NRG1: variants seen among roughly 807,000 people sequenced by gnomAD.
The protein encoded by NRG1 is neuregulin 1, also known as pro-neuregulin-1, membrane-bound isoform.
A neutral mutation model predicts 63.8 loss-of-function variants in NRG1; 18 were observed. That is an observed-to-expected ratio of 0.28 (90% CI 0.19 to 0.42). NRG1 has a LOEUF of 0.42. Among genes scored for constraint, NRG1 ranks in the 10% least tolerant of loss-of-function variants. The pLI, the probability that NRG1 is intolerant of heterozygous loss-of-function variation, is 1.00. For synonymous variants in NRG1, 302 were observed against 301.3 expected (o/e 1.00, Z -0.02); for missense variants, 762 against 814.7 (o/e 0.94, Z 0.79).
At chr8:32,322,482 T>C (rs1385236158) in intron 1 of NRG1, among the ~76,000 whole-genome samples, 1 of 152,048 alleles carries the variant, frequency 6.6e-6, no homozygotes, top group Non-Finnish European at 1.5e-5. Flanking sequence ...GAAGGATTTT[T>C]AAACAATTTA....
At chr8:32,585,486 G>A (rs949272613) in intron 1 of NRG1, among the ~76,000 whole-genome samples, 4 of 152,142 alleles carry the variant, frequency 2.6e-5, no homozygotes, top group African/African-American at 9.7e-5. Flanking sequence ...TCATTGTCAC[G>A]GTGTATTGCC....
rs36213547 is a variant in NRG1, at chr8:32,550,375, A to G, written c.100+1549A>G. 6.1e-3 allele frequency among the ~76,000 whole-genome samples: 922 copies of G among 152,256 alleles called. 9 individuals carry two copies. Among genetic ancestry groups the G allele is most frequent in the Admixed American group, 0.016 (240 of 15,298 alleles). On this transcript the variant is annotated intron_variant, in intron 1 of 11. Transcript: ENST00000356819. ...GTCTACTGTCCTTTCTAAGGTCATC[A>G]TAGTACATTACGGAGATTTCAGACC... is the stretch of plus-strand genomic sequence containing the variant.
At chr8:32,179,629 T>C (rs902156279) in intron 1 of NRG1, among the ~76,000 whole-genome samples, 4 of 152,192 alleles carry the variant, frequency 2.6e-5, no homozygotes, top group African/African-American at 9.6e-5. Flanking sequence ...CTTTCAACTA[T>C]ATTAGAACAT....
intron 1 of NRG1, among the ~76,000 whole-genome samples, chr8:31,888,693 G>A (rs978903685): frequency 2.6e-5 from 4 of 151,482 alleles, no homozygotes; most frequent in Non-Finnish European, 4.4e-5. Flanking sequence ...AAAGGAAAAC[G>A]ATCAGCCACA....
chr8:31,640,754 C>T lies in NRG1; in HGVS notation c.37+1323C>T, dbSNP rs1803682172. ...GGTAAGTTCCTCGCCCTTGGGGGCG[C>T]GAACCCGCGGCGAGGAGGGCGCATC... is the stretch of plus-strand genomic sequence containing the variant. On this transcript the variant is annotated intron_variant, in intron 1 of 10. Coordinates refer to the NRG1 transcript ENST00000519301. The surrounding 1 kb of genome is among the most constrained non-coding windows in gnomAD (Gnocchi z 6.3). 1 of 1,487,982 alleles carries T rather than the reference C, an allele frequency of 6.7e-7. No individual in the cohort carries two copies. The highest frequency in any genetic ancestry group is 9.0e-7 in the Non-Finnish European group (1 of 1,116,916). The allele number at this position is 1,487,982 out of a possible 1,614,324, so 92.2% of individuals were successfully genotyped here. A position where few individuals can be genotyped will look rare whatever the true frequency, so the allele number is the denominator to read the frequency against.
chr8:31,803,879 A>C (rs137909707), intron 1 of NRG1, among the ~76,000 whole-genome samples: 1 of 152,252 alleles, frequency 6.6e-6, no homozygotes, highest in East Asian at 1.9e-4. Flanking sequence ...AATTGAAGAC[A>C]CATTTCCATC....
intron 5 of NRG1, among the ~76,000 whole-genome samples, chr8:32,719,843 T>C (rs1820179528): frequency 6.6e-6 from 1 of 152,154 alleles, no homozygotes. Context: ...TTGATGCCAC[T>C]TAATTTAGTC....
At chr8:32,253,702 T>A (rs951343145) in intron 1 of NRG1, among the ~76,000 whole-genome samples, 26 of 152,202 alleles carry the variant, frequency 1.7e-4, no homozygotes, top group Non-Finnish European at 1.5e-5. Context: ...GATGCTGGCA[T>A]CATAAAATGA....
At chr8:32,764,315 T>C in exon 12 of NRG1, 1 of 1,614,036 alleles carries the variant, frequency 6.2e-7, no homozygotes, top group South Asian at 1.1e-5. Flanking sequence ...ACAGCAGGAC[T>C]AACCCAGCAG....
intron 1 of NRG1, among the ~76,000 whole-genome samples, chr8:32,525,922 T>C (rs1830793306): frequency 6.6e-6 from 1 of 152,248 alleles, no homozygotes; most frequent in South Asian, 2.1e-4. Context: ...ATGTCTTTTC[T>C]ACTCTATCTC....
At chr8:32,657,176 A>G (rs927523042) in intron 5 of NRG1, among the ~76,000 whole-genome samples, 2 of 151,786 alleles carry the variant, frequency 1.3e-5, no homozygotes, top group Admixed American at 6.6e-5. Flanking sequence ...GCCATTAGGA[A>G]GAAACTTAAT....
At position 32,191,472 on chromosome 8, in the gene NRG1, C is replaced by T. The variant is rs188788670; in HGVS notation, c.38-404356C>T. On this transcript the variant is annotated intron_variant, in intron 1 of 10. Coordinates refer to the NRG1 transcript ENST00000519301. ...TACAATGAGTTTCTTAGATGTAAAT[C>T]GACTCTTCCCTTCCTATGTTGGTAA... Among the ~76,000 whole-genome samples the T allele has an allele frequency of 1.7e-3, 262 of 152,204 alleles. 2 individuals are homozygous for T. The highest frequency in any genetic ancestry group is 6.7e-3 in the Admixed American group (102 of 15,274).
At chr8:32,047,974 C>G (rs1006160376) in intron 1 of NRG1, among the ~76,000 whole-genome samples, 5 of 151,924 alleles carry the variant, frequency 3.3e-5, no homozygotes, top group African/African-American at 1.2e-4. Flanking sequence ...TTTTTAGATT[C>G]TGAGTATGAG....
At chr8:31,868,354 T>A (rs1436961377) in intron 1 of NRG1, among the ~76,000 whole-genome samples, 3 of 152,152 alleles carry the variant, frequency 2.0e-5, no homozygotes, top group Non-Finnish European at 4.4e-5. Context: ...AAATGCATAA[T>A]GGAAGTGCTG....
chr8:31,911,001 C>T lies in NRG1; in HGVS notation c.37+271570C>T, dbSNP rs185060071. Among the ~76,000 whole-genome samples, 46 of 152,184 alleles carry T rather than the reference C, an allele frequency of 3.0e-4. 1 individual carries two copies. Among genetic ancestry groups the T allele is most frequent in the Admixed American group, 3.3e-4 (5 of 15,276 alleles). The stretch of plus-strand genomic sequence containing the variant: ...CTTTCTTCACTGATTTCTGACATTC[C>T]GATTTGTCTTACTTTACTTCATTGC... On this transcript the variant is annotated intron_variant, in intron 1 of 10. Coordinates refer to the NRG1 transcript ENST00000519301.
intron 1 of NRG1, among the ~76,000 whole-genome samples, chr8:32,142,096 G>C (rs141043958): frequency 1.3e-5 from 2 of 152,042 alleles, no homozygotes; most frequent in Non-Finnish European, 2.9e-5. Context: ...ATGTAAAGAC[G>C]CTTATAGCTT....
At chr8:31,938,493 A>T (rs573460038) in intron 1 of NRG1, among the ~76,000 whole-genome samples, 4 of 152,138 alleles carry the variant, frequency 2.6e-5, no homozygotes, top group Non-Finnish European at 5.9e-5. Flanking sequence ...GTATGACAAA[A>T]TAAGGTTATT....
In NRG1 at chr8:31,871,369, G is replaced by A. The variant is rs189184483; in HGVS notation, c.37+231938G>A. Among the ~76,000 whole-genome samples, 103 of 152,194 alleles carry A rather than the reference G, an allele frequency of 6.8e-4. No homozygotes were observed. The Middle Eastern group carries it at 0.014, about 20-fold the overall frequency. On this transcript the variant is annotated intron_variant, in intron 1 of 10. Coordinates refer to the NRG1 transcript ENST00000519301. ...CCCAGCTCTGTTGCTTGCTTGTTGC[G>A]TTGCCATAAGAGACCCTCAAGAAGA...
At chr8:32,645,911 GA>G (rs1424354842) in intron 5 of NRG1, among the ~76,000 whole-genome samples, 2 of 152,156 alleles carry the variant, frequency 1.3e-5, no homozygotes, top group African/African-American at 4.8e-5. Flanking sequence ...AGTCAGCATT[GA>G]AACTACTGAA....
Sources: allele counts gnomAD v4.1 joint callset (sites outside exome capture counted in the v4.1 genomes callset), GRCh38; gene constraint gnomAD v4.1.1; non-coding constraint Gnocchi (gnomAD v3.1); transcripts MANE v1.5; gene names NCBI Gene and HGNC (gene_info 2026-07-23, HGNC 2026-07-21).